Variants in ERC1 observed in about 807,000 individuals in gnomAD.
The protein encoded by ERC1 is ELKS/RAB6-interacting/CAST family member 1, also known as RAB6 interacting protein 2.
ERC1 carries 56 observed loss-of-function variants against 132.0 expected under a neutral mutation model. The observed-to-expected ratio is 0.42, with a 90% CI of 0.34 to 0.53. The LOEUF (loss-of-function observed/expected upper bound fraction) is 0.53. Ranked by LOEUF, ERC1 falls within the 20% of genes least tolerant of loss-of-function variation. The probability of loss-of-function intolerance (pLI) is 0.03; values close to 1 mark genes in which losing one functional copy is unlikely to be tolerated. For synonymous variants in ERC1, 478 were observed against 476.1 expected (o/e 1.00, Z -0.05); for missense variants, 1,202 against 1,349.9 (o/e 0.89, Z 1.72).
At chr12:1,257,578 G>A (rs1171042901) in intron 13 of ERC1, among the ~76,000 whole-genome samples, 1 of 152,010 alleles carries the variant, frequency 6.6e-6, no homozygotes, top group African/African-American at 2.4e-5. Context: ...GTAATTATCA[G>A]GGTTGGGTAA....
chr12:1,168,497 T>TTTTTTTTTTG (rs1566132041), intron 8 of ERC1, among the ~76,000 whole-genome samples: 1 of 142,178 alleles, frequency 7.0e-6, no homozygotes. Context: ...TTTTTTTTTT[T>TTTTTTTTTTG]TTTGGAGGAG....
At chr12:1,270,216 CT>C (rs796105681) in intron 14 of ERC1, among the ~76,000 whole-genome samples, 1 of 151,010 alleles carries the variant, frequency 6.6e-6, no homozygotes, top group South Asian at 2.1e-4. Flanking sequence ...CCTTATCTTC[CT>C]TTTTTTTTGA....
chr12:1,203,487 C>T (rs995409147), intron 12 of ERC1, among the ~76,000 whole-genome samples: 2 of 151,710 alleles, frequency 1.3e-5, no homozygotes. Flanking sequence ...TGTTTTTATT[C>T]TCACAATGAC....
chr12:1,122,473 G>C (rs60706957), intron 7 of ERC1, among the ~76,000 whole-genome samples: 4 of 13,072 alleles, frequency 3.1e-4, no homozygotes, highest in African/African-American at 2.2e-3. Flanking sequence ...ATCTCTATCT[G>C]TGTCTCTATC....
At chr12:1,251,963 C>A (rs1009648244) in intron 13 of ERC1, among the ~76,000 whole-genome samples, 15 of 151,948 alleles carry the variant, frequency 9.9e-5, no homozygotes, top group Admixed American at 7.2e-4. Flanking sequence ...GAAAAGTCTC[C>A]AATGAGATTC....
At chr12:1,102,502 G>A (rs1391394107) in intron 3 of ERC1, among the ~76,000 whole-genome samples, 1 of 152,032 alleles carries the variant, frequency 6.6e-6, no homozygotes, top group Admixed American at 6.6e-5. Context: ...AGAAATAGGA[G>A]GTGTACAAAA....
chr12:1,475,027 C>G (rs1196709826), intron 18 of ERC1, among the ~76,000 whole-genome samples: 2 of 152,176 alleles, frequency 1.3e-5, no homozygotes, highest in East Asian at 1.9e-4. Flanking sequence ...GCTGGAACAG[C>G]TACTAAGAAC....
intron 12 of ERC1, among the ~76,000 whole-genome samples, chr12:1,202,384 G>T (rs1422214526): frequency 1.3e-5 from 2 of 152,136 alleles, no homozygotes; most frequent in African/African-American, 4.8e-5. Context: ...TTAGCCGGAC[G>T]TGGTGGCTCA....
At chr12:1,323,807 A>AT (rs2082271589) in intron 15 of ERC1, among the ~76,000 whole-genome samples, 1 of 152,138 alleles carries the variant, frequency 6.6e-6, no homozygotes, top group Non-Finnish European at 1.5e-5. Flanking sequence ...TGTCTTTTCA[A>AT]TTTTTTCTTT....
chr12:1,277,701 C>T (rs888832241), intron 14 of ERC1, among the ~76,000 whole-genome samples: 8 of 152,094 alleles, frequency 5.3e-5, no homozygotes, highest in Admixed American at 1.3e-4. Flanking sequence ...GTAACATAAA[C>T]GGTGCTTGTA....
chr12:1,237,725 C>G (rs1315579386), intron 13 of ERC1, among the ~76,000 whole-genome samples: 1 of 152,234 alleles, frequency 6.6e-6, no homozygotes, highest in East Asian at 1.9e-4. Context: ...AGACTGTCCT[C>G]TTTGTCTTGA....
intron 17 of ERC1, among the ~76,000 whole-genome samples, chr12:1,411,791 A>G (rs1209002408): frequency 1.3e-5 from 2 of 152,288 alleles, no homozygotes; most frequent in East Asian, 3.9e-4. Flanking sequence ...AGCACCACAT[A>G]TGTGGACATG....
chr12:1,279,720 G>A (rs542163686), intron 14 of ERC1, among the ~76,000 whole-genome samples: 13 of 147,634 alleles, frequency 8.8e-5, no homozygotes, highest in Non-Finnish European at 1.2e-4. Context: ...ACGGAGTCTC[G>A]CTCTGTCGCC....
At position 1,236,798 on chromosome 12, in the gene ERC1, C is replaced by G; in HGVS notation, c.2381C>G (p.Ala794Gly). 6.2e-7 allele frequency: 1 copy of G among 1,613,718 alleles called. No homozygotes were observed. Among genetic ancestry groups the G allele is most frequent in the Non-Finnish European group, 8.5e-7 (1 of 1,179,834 alleles). Residue 794 changes from alanine to glycine, a missense_variant, in exon 13 of 19, where the codon GCA (alanine) becomes GGA (glycine). By Grantham distance (60) the Ala-to-Gly change is moderately conservative. Coordinates refer to ENST00000360905, the MANE Select transcript of ERC1 (RefSeq NM_178040.4). The stretch of plus-strand genomic sequence containing the variant: ...GTGAAAGACCAGAATAAGAAGGTAG[C>G]AAATCTGAAGCACAAGGAACAGGTG... The part of the protein sequence containing the change: ...RQVKDQNKKV[A>G]NLKHKEQVEK...
chr12:1,105,270 A>G (rs1945119669), intron 4 of ERC1, among the ~76,000 whole-genome samples: 2 of 152,242 alleles, frequency 1.3e-5, no homozygotes, highest in Admixed American at 1.3e-4. Context: ...AGGGACAGCC[A>G]TCGTATTTCA....
intron 1 of ERC1, among the ~76,000 whole-genome samples, chr12:1,009,038 A>G (rs1964212840): frequency 6.6e-6 from 1 of 152,166 alleles, no homozygotes; most frequent in Non-Finnish European, 1.5e-5. Flanking sequence ...TGTGAGGAAC[A>G]TGGGGATTTA....
intron 7 of ERC1, among the ~76,000 whole-genome samples, chr12:1,138,204 ATATATAT>A (rs1314034334): frequency 1.6e-5 from 2 of 123,330 alleles, no homozygotes; most frequent in African/African-American, 3.3e-5. Context: ...ATTATATATG[ATATATAT>A]TATATAATAT....
intron 16 of ERC1, among the ~76,000 whole-genome samples, chr12:1,381,572 A>G (rs2154378572): frequency 6.6e-6 from 1 of 152,308 alleles, no homozygotes; most frequent in Non-Finnish European, 1.5e-5. Flanking sequence ...TTTCAACCCT[A>G]AATTTGTGTA....
At chr12:1,114,913 G>A (rs904536108) in intron 6 of ERC1, among the ~76,000 whole-genome samples, 1 of 152,112 alleles carries the variant, frequency 6.6e-6, no homozygotes, top group African/African-American at 2.4e-5. Context: ...TTTAATTAAT[G>A]TGAAATTTAT....
Sources: gnomAD v4.1 joint callset for allele counts (sites outside exome capture counted in the v4.1 genomes callset) on GRCh38, gnomAD v4.1.1 for gene constraint, MANE v1.5 for transcripts, NCBI Gene and HGNC (gene_info 2026-07-23, HGNC 2026-07-21) for gene names.